The following ZBTB7C variants were observed in gnomAD, a reference collection of about 807,000 sequenced individuals.
ZBTB7C encodes the protein zinc finger and BTB domain-containing protein 7C.
ZBTB7C carries 8 observed loss-of-function variants against 25.7 expected under a neutral mutation model. The observed-to-expected ratio is 0.31, with a 90% CI of 0.18 to 0.56. The LOEUF is 0.56. Ranked by LOEUF, ZBTB7C falls within the 20% of genes least tolerant of loss-of-function variation. The pLI, the probability that ZBTB7C is intolerant of heterozygous loss-of-function variation, is 0.91. For synonymous variants in ZBTB7C, 394 were observed against 369.0 expected, an observed-to-expected ratio of 1.07 and a Z score of -0.78; for missense variants, 824 against 855.2, an observed-to-expected ratio of 0.96 and a Z score of 0.46.
chr18:48,223,711 T>C (rs1049018281), intron 2 of ZBTB7C, among the ~76,000 whole-genome samples: 2 of 152,202 alleles, frequency 1.3e-5, no homozygotes, highest in African/African-American at 2.4e-5. Context: ...TTTGAGCAAG[T>C]CACTTAACGT....
chr18:48,058,079 G>A (rs1179220484), intron 3 of ZBTB7C, among the ~76,000 whole-genome samples: 5 of 152,334 alleles, frequency 3.3e-5, no homozygotes, highest in Non-Finnish European at 4.4e-5. Context: ...AGGAAGAGCC[G>A]TGATGTTGTG....
intron 2 of ZBTB7C, among the ~76,000 whole-genome samples, chr18:48,196,265 G>A (rs2042315587): frequency 6.6e-6 from 1 of 152,134 alleles, no homozygotes; most frequent in African/African-American, 2.4e-5. Flanking sequence ...TCCACCCTTT[G>A]GGGAGTGGGC....
intron 1 of ZBTB7C, among the ~76,000 whole-genome samples, chr18:48,383,347 C>T (rs2047675049): frequency 6.6e-6 from 1 of 152,130 alleles, no homozygotes; most frequent in East Asian, 1.9e-4. Flanking sequence ...CTCACTGCAG[C>T]CTCGACCTCC....
chr18:48,164,332 T>C (rs886562671), intron 3 of ZBTB7C, among the ~76,000 whole-genome samples: 2 of 152,202 alleles, frequency 1.3e-5, no homozygotes, highest in African/African-American at 4.8e-5. Flanking sequence ...AATGTGGTGC[T>C]GCCTAGGGGA....
intron 1 of ZBTB7C, among the ~76,000 whole-genome samples, chr18:48,361,126 C>G (rs1052953644): frequency 6.6e-6 from 1 of 152,052 alleles, no homozygotes; most frequent in Non-Finnish European, 1.5e-5. Context: ...GCAGGAGACC[C>G]AGGACTACGA....
intron 1 of ZBTB7C, among the ~76,000 whole-genome samples, chr18:48,354,533 C>T (rs887387500): frequency 5.3e-5 from 8 of 152,202 alleles, no homozygotes; most frequent in Non-Finnish European, 1.0e-4. Flanking sequence ...GTACTTTTCA[C>T]ATCACCATCC....
chr18:48,178,719 A>G (rs1392584267), intron 3 of ZBTB7C, among the ~76,000 whole-genome samples: 1 of 152,194 alleles, frequency 6.6e-6, no homozygotes, highest in Non-Finnish European at 1.5e-5. Flanking sequence ...TGCATTGTCT[A>G]CTTGAAAGTA....
intron 2 of ZBTB7C, among the ~76,000 whole-genome samples, chr18:48,332,969 T>C (rs756450043): frequency 6.6e-6 from 1 of 152,284 alleles, no homozygotes; most frequent in East Asian, 1.9e-4. Context: ...GGGTCTCTAG[T>C]GCTCCAATCA....
intron 2 of ZBTB7C, among the ~76,000 whole-genome samples, chr18:48,245,272 A>G (rs143081127): frequency 0.059 from 8,771 of 148,614 alleles, 408 homozygotes; most frequent in East Asian, 0.19. Context: ...AAGCTAAGCT[A>G]TGAGGATGCA....
chr18:48,187,410 T>C (rs2042082500), intron 2 of ZBTB7C, among the ~76,000 whole-genome samples: 1 of 152,216 alleles, frequency 6.6e-6, no homozygotes. Flanking sequence ...GGCTACAGCA[T>C]GGATGAACCT....
At chr18:48,330,606 G>A (rs2046321795) in intron 2 of ZBTB7C, among the ~76,000 whole-genome samples, 1 of 151,946 alleles carries the variant, frequency 6.6e-6, no homozygotes, top group Non-Finnish European at 1.5e-5. Context: ...TGAAGGCTTG[G>A]GTGTCTGAGT....
At chr18:48,280,940 G>C (rs919630444) in intron 2 of ZBTB7C, among the ~76,000 whole-genome samples, 1 of 140,082 alleles carries the variant, frequency 7.1e-6, no homozygotes, top group Non-Finnish European at 1.5e-5. Context: ...TGCAACCTCT[G>C]CCTCTTGGGT....
At chr18:48,045,782 G>A (rs1598771479) in intron 3 of ZBTB7C, among the ~76,000 whole-genome samples, 1 of 152,200 alleles carries the variant, frequency 6.6e-6, no homozygotes, top group Non-Finnish European at 1.5e-5. Context: ...CTGCTAGATT[G>A]TAAGCTGCTT....
At chr18:48,231,399 C>A (rs2043247910) in intron 2 of ZBTB7C, among the ~76,000 whole-genome samples, 1 of 152,156 alleles carries the variant, frequency 6.6e-6, no homozygotes, top group African/African-American at 2.4e-5. Flanking sequence ...AGAGGAGCTA[C>A]CCACTGTACT....
chr18:48,074,774 GCAGTTT>G (rs2037694155), intron 3 of ZBTB7C, among the ~76,000 whole-genome samples: 1 of 152,172 alleles, frequency 6.6e-6, no homozygotes, highest in Non-Finnish European at 1.5e-5. Flanking sequence ...CAGAATCAAA[GCAGTTT>G]TTAGCTGGAC....
chr18:48,367,175 T>TTATATATATATATATA lies in ZBTB7C; in HGVS notation c.-303-28793_-303-28778dup, dbSNP rs71165321. The stretch of plus-strand genomic sequence containing the variant: ...TTTCCCCTGTTCTTCTCCCCAAGTT[T>TTATATATATATATATA]TATATATATATATATATATATATAT... On this transcript the variant is annotated intron_variant, in intron 1 of 4. Transcript: ENST00000590800. Among the ~76,000 whole-genome samples the TTATATATATATATATA allele has an allele frequency of 7.8e-3, 485 of 61,962 alleles. 7 individuals are homozygous for TTATATATATATATATA. Among genetic ancestry groups the TTATATATATATATATA allele is most frequent in the African/African-American group, 0.01 (138 of 13,276 alleles). 40.6% of individuals were successfully genotyped at this position (61,962 alleles called of 152,430 possible).
At chr18:48,113,998 C>T (rs529366626) in intron 3 of ZBTB7C, among the ~76,000 whole-genome samples, 5 of 152,288 alleles carry the variant, frequency 3.3e-5, no homozygotes, top group African/African-American at 1.2e-4. Flanking sequence ...AAGGCCCTTT[C>T]ACTTTTGAGG....
chr18:48,136,110 TA>T (rs1053071517), intron 3 of ZBTB7C, among the ~76,000 whole-genome samples: 3 of 152,008 alleles, frequency 2.0e-5, no homozygotes, highest in Non-Finnish European at 4.4e-5. Context: ...GGTGCTGGGT[TA>T]GGGGGAAGCT....
intron 2 of ZBTB7C, among the ~76,000 whole-genome samples, chr18:48,279,665 C>T (rs2044773465): frequency 6.6e-6 from 1 of 152,198 alleles, no homozygotes; most frequent in African/African-American, 2.4e-5. Context: ...TGAAGGCACC[C>T]CCAGTCTTAA....
Sources: allele counts gnomAD v4.1 joint callset (sites outside exome capture counted in the v4.1 genomes callset), GRCh38; gene constraint gnomAD v4.1.1; transcripts MANE v1.5; gene names NCBI Gene and HGNC (gene_info 2026-07-23, HGNC 2026-07-21).